Variants in AP1G1 observed in about 807,000 individuals in gnomAD.
AP1G1 encodes adaptor related protein complex 1 subunit gamma 1.
A neutral mutation model predicts 108.3 loss-of-function variants in AP1G1; 7 were observed. The ratio of observed to expected loss-of-function variants is 0.06; its 90% confidence interval spans 0.04 to 0.12. AP1G1 has a LOEUF of 0.12. AP1G1 is among the 10% of genes least tolerant of loss of function. AP1G1 has a pLI of 1.00. For missense variants in AP1G1, 756 were observed against 1,010.7 expected (o/e 0.75, Z 3.42); for synonymous variants, 379 against 353.5 (o/e 1.07, Z -0.81).
At position 71,773,338 on chromosome 16, in the gene AP1G1, G is replaced by A. The variant is rs528090961; in HGVS notation, c.351C>T (p.Phe117=). 2 of 1,551,196 alleles carry A rather than the reference G, an allele frequency of 1.3e-6. No individual in the cohort carries two copies. The highest frequency in any genetic ancestry group is 8.6e-7 in the Non-Finnish European group (1 of 1,156,702). Residue 117 remains phenylalanine (F), a synonymous_variant, in exon 4 of 23, where the codon TTC becomes TTT. Coordinates refer to ENST00000299980, the MANE Select transcript of AP1G1 (RefSeq NM_001128.6). ...GGGTACAAAGTGCTAACCCCTGTAC[G>A]AATTGCGTGCTATGATTAAGATCAC... ...IKNDLNHSTQ[F]VQGLALCTLG...
At chr16:71,770,002 G>A (rs1255642012) in intron 5 of AP1G1, among the ~76,000 whole-genome samples, 1 of 152,118 alleles carries the variant, frequency 6.6e-6, no homozygotes, top group East Asian at 1.9e-4. Context: ...AACACACAAT[G>A]CAAGCTAGGT....
At chr16:71,784,014 A>C (rs2032114557) in intron 2 of AP1G1, among the ~76,000 whole-genome samples, 1 of 152,174 alleles carries the variant, frequency 6.6e-6, no homozygotes, top group African/African-American at 2.4e-5. Flanking sequence ...ACACTACAGG[A>C]AATCTATCAC....
rs1048064247 is a variant in AP1G1, at chr16:71,750,096, T to A, written c.1408-113A>T. The A allele has an allele frequency of 5.4e-6, 8 of 1,481,772 alleles. No homozygotes were observed. The African/African-American group carries it at 8.4e-5, about 16-fold the overall frequency. The allele number at this position is 1,481,772 out of a possible 1,614,324, so 91.8% of individuals were successfully genotyped here. A position where few individuals can be genotyped will look rare whatever the true frequency, so the allele number is the denominator to read the frequency against. On this transcript the variant is annotated intron_variant, in intron 14 of 22. Coordinates refer to ENST00000299980, the MANE Select transcript of AP1G1 (RefSeq NM_001128.6). ...TCAAAACTGTGCATATCTAGAGTGT[T>A]AGAAATAAAGACATACCAAAGGGGA...
Position 71,758,859 on chromosome 16 carries a change from T to C in AP1G1, c.1037A>G (p.His346Arg). The stretch of plus-strand genomic sequence containing the variant: ...AAGACAGTCCACAATTGTGCTTCTG[T>C]GCCTCTGTACTGCATTATGATCTGT... ...VQTDHNAVQRHRSTIVDCLKD... is the reference protein window; with the variant it reads ...VQTDHNAVQRRRSTIVDCLKD... Residue 346 changes from histidine (H) to arginine (R), a missense_variant, in exon 11 of 23, where the codon CAC becomes CGC. His to Arg is a conservative substitution (Grantham distance 29, BLOSUM62 0). This residue lies in a region of AP1G1 where 304 missense variants were observed against 483.6 expected (regional missense o/e 0.63). Transcript: ENST00000299980. The C allele has an allele frequency of 6.2e-7, 1 of 1,612,002 alleles. No individual in the cohort carries two copies. Among genetic ancestry groups the C allele is most frequent in the South Asian group, 1.1e-5 (1 of 90,492 alleles).
At chr16:71,743,185 T>A (rs2029959021) in intron 19 of AP1G1, 1 of 152,194 alleles carries the variant, frequency 6.6e-6, no homozygotes, top group African/African-American at 2.4e-5. Context: ...CTTTGACATT[T>A]GAGGATTTGA....
At chr16:71,782,847 G>A (rs905374203) in intron 2 of AP1G1, among the ~76,000 whole-genome samples, 3 of 152,070 alleles carry the variant, frequency 2.0e-5, no homozygotes, top group Non-Finnish European at 4.4e-5. Context: ...CTCTTCTGGT[G>A]ATTACTGAAA....
Position 71,797,357 on chromosome 16 carries a change from T to A in AP1G1, c.-3-7875A>T, listed in dbSNP as rs967621201. Among the ~76,000 whole-genome samples, 10 of 152,160 alleles carry A rather than the reference T, an allele frequency of 6.6e-5. No individual in the cohort carries two copies. In the East Asian group the frequency reaches 1.9e-3, roughly 29 times the overall value. On this transcript the variant is annotated intron_variant, in intron 1 of 22. Coordinates refer to ENST00000299980, the MANE Select transcript of AP1G1 (RefSeq NM_001128.6). ...AGTAATGAGCATGTAAAACTTGGAA[T>A]AAAACTTGCTTTGAAAAAAAGCAAA... is the stretch of plus-strand genomic sequence containing the variant.
intron 1 of AP1G1, among the ~76,000 whole-genome samples, chr16:71,800,235 G>C (rs2032740272): frequency 6.7e-6 from 1 of 149,976 alleles, no homozygotes; most frequent in Non-Finnish European, 1.5e-5. Context: ...GCCGGGTGTG[G>C]TGGTGGGCGC....
intron 2 of AP1G1, chr16:71,777,593 T>A (rs141061261): frequency 3.9e-4 from 156 of 397,940 alleles, no homozygotes; most frequent in African/African-American, 2.8e-3. Context: ...CCCAGCCTGT[T>A]GGCAGGCGGT....
chr16:71,745,696 C>A, intron 17 of AP1G1, 82 bp from the exon 18 acceptor site: 2 of 1,205,924 alleles, frequency 1.7e-6, no homozygotes, highest in Non-Finnish European at 2.4e-6. Flanking sequence ...CTATGTTGAG[C>A]CCAAGCATGG....
intron 2 of AP1G1, among the ~76,000 whole-genome samples, chr16:71,787,915 C>T (rs2032266216): frequency 6.6e-6 from 1 of 152,194 alleles, no homozygotes; most frequent in Non-Finnish European, 1.5e-5. Flanking sequence ...AATTCTGTCC[C>T]AAACCAAATA....
At position 71,746,676 on chromosome 16, in the gene AP1G1, C is replaced by G; in HGVS notation, c.1642G>C (p.Val548Leu). Reference protein sequence around the residue: ...TCTVNRIKKVVSIYGSSIDVE... With the variant: ...TCTVNRIKKVLSIYGSSIDVE... ...TCAATGCTGCTTCCGTAGATGGAAACCACTTTCTTAATTCGGCTATAGATA... is the reference window on the plus strand; with the variant it reads ...TCAATGCTGCTTCCGTAGATGGAAAGCACTTTCTTAATTCGGCTATAGATA... The change falls in exon 17 of 23, where the codon GTT (valine) becomes CTT (leucine). Residue 548 changes from valine to leucine, a missense_variant. Physicochemically the swap from Val to Leu is conservative, Grantham distance 32 (BLOSUM62 1). Transcript: ENST00000299980. 1 of 1,611,598 alleles carries G rather than the reference C, an allele frequency of 6.2e-7. No homozygotes were observed. The highest frequency in any genetic ancestry group is 1.1e-5 in the South Asian group (1 of 90,724).
chr16:71,730,470 C>T lies in AP1G1; in HGVS notation c.*2588G>A, dbSNP rs749459666. 4 of 152,440 alleles carry T rather than the reference C, an allele frequency of 2.6e-5. No homozygotes were observed. Among genetic ancestry groups the T allele is most frequent in the East Asian group, 1.9e-4 (1 of 5,204 alleles). The allele number at this position is 152,440 out of a possible 1,614,324, so 9.4% of individuals were successfully genotyped here. On this transcript the variant is annotated 3_prime_UTR_variant, in exon 23 of 23. Coordinates refer to ENST00000299980, the MANE Select transcript of AP1G1 (RefSeq NM_001128.6). ...TCTTTCCTCACAATGCCTGTGAAGT[C>T]GTAAATCCATCCAAATTTGCTCCCC...
At chr16:71,734,426 G>A (rs2045507852) in intron 22 of AP1G1, 183 bp downstream of exon 22, 1 of 548,946 alleles carries the variant, frequency 1.8e-6, no homozygotes, top group Non-Finnish European at 3.2e-6. Context: ...ATGCCACTAA[G>A]CCACCTGATG....
chr16:71,756,194 A>G (rs2030775086), intron 11 of AP1G1, 35 bp from the exon 12 acceptor site: 1 of 1,589,288 alleles, frequency 6.3e-7, no homozygotes, highest in Admixed American at 1.8e-5. Flanking sequence ...CAGTTAAGAA[A>G]TTTATAGTGG....
chr16:71,789,608 G>C (rs1043653384), intron 1 of AP1G1, 126 bp from the exon 2 acceptor site: 1 of 932,760 alleles, frequency 1.1e-6, no homozygotes, highest in Non-Finnish European at 1.6e-6. Context: ...CCAGCTTAGC[G>C]AAGCTAAACA....
At chr16:71,738,840 T>G (rs1013595855) in intron 21 of AP1G1, 102 bp downstream of exon 21, 2 of 1,092,708 alleles carry the variant, frequency 1.8e-6, no homozygotes, top group African/African-American at 3.2e-5. Context: ...GTCTACAAAT[T>G]TAATCTGTAA....
At position 71,764,424 on chromosome 16, in the gene AP1G1, T is replaced by G; in HGVS notation, c.844A>C (p.Lys282Gln). ...AQVATNTETSKNVGNAILYET... is the reference protein window; with the variant it reads ...AQVATNTETSQNVGNAILYET... ...TAAAGAATAGCATTTCCTACATTTT[T>G]ACTAGTCTCAGTATTAGTGGCAACC... Residue 282 changes from lysine (K) to glutamine (Q), a missense_variant, in exon 9 of 23, where the codon AAA becomes CAA. Lys to Gln is a moderately conservative substitution (Grantham distance 53, BLOSUM62 1). Around this residue, in one of 3 missense-constraint regions of AP1G1, gnomAD observed 304 missense variants for 483.6 expected, o/e 0.63. Coordinates refer to ENST00000299980, the MANE Select transcript of AP1G1 (RefSeq NM_001128.6). 2 of 1,609,968 alleles carry G rather than the reference T, an allele frequency of 1.2e-6. No homozygotes were observed. Among genetic ancestry groups the G allele is most frequent in the Non-Finnish European group, 1.7e-6 (2 of 1,177,660 alleles).
intron 17 of AP1G1, among the ~76,000 whole-genome samples, chr16:71,746,294 G>C (rs2030177830): frequency 6.6e-6 from 1 of 152,186 alleles, no homozygotes; most frequent in Non-Finnish European, 1.5e-5. Flanking sequence ...ACAGGCGTGA[G>C]CCACCACGCC....
Sources: gnomAD v4.1 joint callset for allele counts (sites outside exome capture counted in the v4.1 genomes callset) on GRCh38, gnomAD v4.1.1 for gene constraint, gnomAD v4.1.1 regional missense constraint, MANE v1.5 for transcripts, NCBI Gene and HGNC (gene_info 2026-07-23, HGNC 2026-07-21) for gene names.